The following USP47 variants were observed in gnomAD, a reference collection of about 807,000 sequenced individuals.
The protein encoded by USP47 is ubiquitin specific peptidase 47.
A neutral mutation model predicts 165.1 loss-of-function variants in USP47; 35 were observed. That is an observed-to-expected ratio of 0.21 (90% CI 0.16 to 0.28). The LOEUF (loss-of-function observed/expected upper bound fraction) is 0.28. USP47 is among the 10% of genes least tolerant of loss of function. The probability of loss-of-function intolerance (pLI) is 1.00; values close to 1 mark genes in which losing one functional copy is unlikely to be tolerated. For missense variants in USP47, 1,277 were observed against 1,607.4 expected (o/e 0.79, Z 3.52); for synonymous variants, 531 against 544.5 (o/e 0.98, Z 0.35).
intron 20 of USP47, among the ~76,000 whole-genome samples, chr11:11,945,865 A>G (rs575721120): frequency 3.3e-5 from 5 of 151,638 alleles, no homozygotes; most frequent in East Asian, 1.9e-4. Context: ...AGCCCAGAGG[A>G]GAGAGGCTGC....
chr11:11,923,143 G>T (rs549425311), intron 11 of USP47, among the ~76,000 whole-genome samples: 2 of 147,680 alleles, frequency 1.4e-5, no homozygotes, highest in South Asian at 4.3e-4. Context: ...ATTTTTGGGA[G>T]ACCATACTTT....
chr11:11,920,580 TGATGTCA>T (rs1564880316), intron 10 of USP47, 86 bp downstream of exon 10: 560 of 1,250,352 alleles, frequency 4.5e-4, no homozygotes, highest in Non-Finnish European at 5.9e-4. Context: ...GTAATAACAC[TGATGTCA>T]TTTGGACTGT....
intron 1 of USP47, among the ~76,000 whole-genome samples, chr11:11,868,025 G>C (rs1262938709): frequency 6.6e-6 from 1 of 152,108 alleles, no homozygotes; most frequent in Non-Finnish European, 1.5e-5. Context: ...TCAGTCTCTA[G>C]GAAGGAGAGG....
At chr11:11,915,227 C>T (rs1462683855) in intron 8 of USP47, among the ~76,000 whole-genome samples, 2 of 152,168 alleles carry the variant, frequency 1.3e-5, no homozygotes, top group Non-Finnish European at 2.9e-5. Flanking sequence ...AAAAGCCAAT[C>T]TCAAAAGGTT....
chr11:11,865,220 A>G (rs766712347), intron 1 of USP47, among the ~76,000 whole-genome samples: 1 of 152,160 alleles, frequency 6.6e-6, no homozygotes, highest in Non-Finnish European at 1.5e-5. Context: ...AGTTTTCAGC[A>G]GTTATTTCTT....
chr11:11,961,070 G>A lies in USP47; in HGVS notation c.*4895G>A, dbSNP rs1426547943. 1.3e-5 allele frequency among the ~76,000 whole-genome samples: 2 copies of A among 152,116 alleles called. No homozygotes were observed. Among genetic ancestry groups the A allele is most frequent in the African/African-American group, 4.8e-5 (2 of 41,414 alleles). ...CACCAGCTTTATCAATAATAATATC[G>A]GTGGTTTACTTAAGGTGTCCAGAGA... On this transcript the variant is annotated 3_prime_UTR_variant, in exon 28 of 28. Coordinates refer to ENST00000527733, the MANE Select transcript of USP47 (RefSeq NM_001282659.2).
At position 11,874,544 on chromosome 11, in the gene USP47, G is replaced by C. The variant is rs75041282; in HGVS notation, c.40-5633G>C. Among the ~76,000 whole-genome samples the C allele has an allele frequency of 5.9e-3, 889 of 151,694 alleles. 7 individuals carry two copies. Among genetic ancestry groups the C allele is most frequent in the African/African-American group, 0.021 (853 of 41,422 alleles). ...TTACTTGTTAAAATAAAAATGAAGA[G>C]TCTAAATGAAGCTGATACTTTTTTT... On this transcript the variant is annotated intron_variant, in intron 1 of 27. Coordinates refer to ENST00000527733, the MANE Select transcript of USP47 (RefSeq NM_001282659.2).
At chr11:11,941,667 T>TC (rs1855482211) in intron 19 of USP47, among the ~76,000 whole-genome samples, 1 of 152,068 alleles carries the variant, frequency 6.6e-6, no homozygotes, top group Non-Finnish European at 1.5e-5. Context: ...TCATATCATT[T>TC]CATCTATAGA....
In USP47 at chr11:11,934,062, C is replaced by G. The variant is rs190115929; in HGVS notation, c.1869+127C>G. 425 of 678,572 alleles carry G rather than the reference C, an allele frequency of 6.3e-4. 1 individual carries two copies. The highest frequency in any genetic ancestry group is 1.0e-3 in the Admixed American group (34 of 34,088). The allele number at this position is 678,572 out of a possible 1,614,324, so 42.0% of individuals were successfully genotyped here. A position where few individuals can be genotyped will look rare whatever the true frequency, so the allele number is the denominator to read the frequency against. ...TAACCTTGGTAACTGGTTAATTTAT[C>G]TCTTACCGAGTATATTTATACCTCT... On this transcript the variant is annotated intron_variant, in intron 16 of 27. Transcript: ENST00000527733.
At chr11:11,900,704 A>C (rs963246204) in intron 5 of USP47, among the ~76,000 whole-genome samples, 1 of 152,210 alleles carries the variant, frequency 6.6e-6, no homozygotes, top group Non-Finnish European at 1.5e-5. Flanking sequence ...CTTAGTGACA[A>C]ATTTTACTTA....
chr11:11,937,398 A>T (rs1298747306), intron 17 of USP47, among the ~76,000 whole-genome samples: 1 of 151,786 alleles, frequency 6.6e-6, no homozygotes, highest in Non-Finnish European at 1.5e-5. Context: ...TGGATCCTGT[A>T]TATCTCCTTT....
intron 20 of USP47, chr11:11,943,798 G>C (rs1486421245): frequency 6.6e-6 from 1 of 152,040 alleles, no homozygotes; most frequent in African/African-American, 2.4e-5. Context: ...AAGGCAACCA[G>C]GTTTAAGATA....
At chr11:11,949,683 C>T (rs948084146) in intron 22 of USP47, among the ~76,000 whole-genome samples, 1 of 152,156 alleles carries the variant, frequency 6.6e-6, no homozygotes, top group African/African-American at 2.4e-5. Flanking sequence ...GTTTACAGAA[C>T]TGAGACACAG....
intron 8 of USP47, among the ~76,000 whole-genome samples, chr11:11,912,820 T>C (rs979243971): frequency 1.3e-5 from 2 of 152,130 alleles, no homozygotes; most frequent in Non-Finnish European, 2.9e-5. Context: ...ATATTGTGAC[T>C]AGGATTGATT....
rs1847222673 is a variant in USP47, at chr11:11,956,857, C to CT, written c.*683dup. 2 of 152,434 alleles carry CT rather than the reference C, an allele frequency of 1.3e-5. No homozygotes were observed. Among genetic ancestry groups the CT allele is most frequent in the South Asian group, 4.1e-4 (2 of 4,838 alleles). The allele number at this position is 152,434 out of a possible 1,614,324, so 9.4% of individuals were successfully genotyped here. A position where few individuals can be genotyped will look rare whatever the true frequency, so the allele number is the denominator to read the frequency against. Reference sequence around the variant, plus strand: ...GATTGCTGCAGTGTTGTAATTATAACTGATTGTACTTAAGTTATGGATGTA... The same window carrying CT: ...GATTGCTGCAGTGTTGTAATTATAACTTGATTGTACTTAAGTTATGGATGTA... On this transcript the variant is annotated 3_prime_UTR_variant, in exon 28 of 28. Transcript: ENST00000527733.
chr11:11,956,448 A>C lies in USP47; in HGVS notation c.*273A>C, dbSNP rs1447234676. Reference sequence around the variant, plus strand: ...CAACAAAAAAAGCTAACCTTCTATTAGAAAAGGGGACAGGGGAATGAGTAA... The same window carrying C: ...CAACAAAAAAAGCTAACCTTCTATTCGAAAAGGGGACAGGGGAATGAGTAA... On this transcript the variant is annotated 3_prime_UTR_variant, in exon 28 of 28. Coordinates refer to ENST00000527733, the MANE Select transcript of USP47 (RefSeq NM_001282659.2). 1 of 274,426 alleles carries C rather than the reference A, an allele frequency of 3.6e-6. No individual in the cohort carries two copies. The highest frequency in any genetic ancestry group is 4.9e-5 in the Admixed American group (1 of 20,392). 17.0% of individuals were successfully genotyped at this position (274,426 alleles called of 1,614,324 possible). A position where few individuals can be genotyped will look rare whatever the true frequency, so the allele number is the denominator to read the frequency against.
At position 11,922,881 on chromosome 11, in the gene USP47, G is replaced by T. The variant is rs770207458; in HGVS notation, c.1376G>T (p.Gly459Val). Reference sequence around the variant, plus strand: ...GGAACTGAAAAGATCTCAAAATCTGGACTTGAAAAGGTACCTTTTATAGTT... The same window carrying T: ...GGAACTGAAAAGATCTCAAAATCTGTACTTGAAAAGGTACCTTTTATAGTT... The part of the protein sequence containing the change: ...NSGTEKISKS[G>V]LEKNSLIYEL... Residue 459 changes from glycine to valine, a missense_variant, in exon 11 of 28, where the codon GGA becomes GTA. Around this residue, in one of 4 missense-constraint regions of USP47, gnomAD observed 909 missense variants for 1,068.1 expected, o/e 0.85. Coordinates refer to ENST00000527733, the MANE Select transcript of USP47 (RefSeq NM_001282659.2). 1 of 1,609,242 alleles carries T rather than the reference G, an allele frequency of 6.2e-7. No individual in the cohort carries two copies. The highest frequency in any genetic ancestry group is 8.5e-7 in the Non-Finnish European group (1 of 1,177,236).
intron 7 of USP47, 88 bp downstream of exon 7, chr11:11,903,430 A>G: frequency 7.8e-7 from 1 of 1,283,592 alleles, no homozygotes; most frequent in Non-Finnish European, 1.1e-6. Context: ...GAATGTTTTA[A>G]AACTTGGGCA....
intron 8 of USP47, 33 bp downstream of exon 8, chr11:11,905,581 C>G (rs1350389697): frequency 1.3e-6 from 2 of 1,571,744 alleles, no homozygotes; most frequent in Non-Finnish European, 1.7e-6. Flanking sequence ...CTTGTGTATC[C>G]TTACACAGAA....
Sources: gnomAD v4.1 joint callset for allele counts (sites outside exome capture counted in the v4.1 genomes callset) on GRCh38, gnomAD v4.1.1 for gene constraint, gnomAD v4.1.1 regional missense constraint, MANE v1.5 for transcripts, NCBI Gene and HGNC (gene_info 2026-07-23, HGNC 2026-07-21) for gene names.